The following RASEF variants were observed in gnomAD, a reference collection of about 807,000 sequenced individuals.
RASEF encodes the protein RAS and EF-hand domain containing, also known as ras and EF-hand domain-containing protein.
RASEF carries 68 observed loss-of-function variants against 90.1 expected under a neutral mutation model. The observed-to-expected ratio is 0.75, with a 90% CI of 0.62 to 0.92. The LOEUF is 0.92. Ranked by LOEUF, RASEF falls within the 40% of genes least tolerant of loss-of-function variation. The pLI, the probability that RASEF is intolerant of heterozygous loss-of-function variation, is 0.00. For synonymous variants in RASEF, 331 were observed against 345.2 expected, an observed-to-expected ratio of 0.96 and a Z score of 0.46; for missense variants, 949 against 937.2, an observed-to-expected ratio of 1.01 and a Z score of -0.16.
upstream of RASEF, among the ~76,000 whole-genome samples, chr9:83,063,367 C>T (rs890041127): frequency 4.6e-5 from 7 of 152,234 alleles, no homozygotes; most frequent in Non-Finnish European, 7.3e-5. Context: ...CGCTCCGCTT[C>T]TCCACAGAAC....
At chr9:83,158,763 TATACACACATATGAATATATATACAC>T in the RASEF span, among the ~76,000 whole-genome samples, 1 of 149,060 alleles carries the variant, frequency 6.7e-6, no homozygotes, top group Non-Finnish European at 1.5e-5. Flanking sequence ...TATATGTATA[TATACACACATATGAATATATATACAC>T]ACATATGCAT....
At chr9:83,168,821 C>T in the RASEF span, among the ~76,000 whole-genome samples, 1 of 151,806 alleles carries the variant, frequency 6.6e-6, no homozygotes, top group African/African-American at 2.4e-5. Context: ...AAACATTTGT[C>T]ATTTATTTGT....
chr9:83,202,492 T>C, the RASEF span, among the ~76,000 whole-genome samples: 1 of 152,214 alleles, frequency 6.6e-6, no homozygotes, highest in Non-Finnish European at 1.5e-5. Context: ...TATTTTTTTT[T>C]TGAGGTGGAG....
At chr9:83,151,373 G>C in the RASEF span, among the ~76,000 whole-genome samples, 1 of 152,140 alleles carries the variant, frequency 6.6e-6, no homozygotes, top group Non-Finnish European at 1.5e-5. Flanking sequence ...CTTGGTGACT[G>C]ATTGAATATG....
the RASEF span, among the ~76,000 whole-genome samples, chr9:83,212,187 G>A: frequency 6.6e-6 from 1 of 152,170 alleles, no homozygotes; most frequent in Non-Finnish European, 1.5e-5. Flanking sequence ...TTTGAAAACA[G>A]AAGACAGATA....
At chr9:83,054,747 T>TA (rs1830071629) in intron 1 of RASEF, 1 of 139,254 alleles carries the variant, frequency 7.2e-6, no homozygotes, top group African/African-American at 2.8e-5. Context: ...TTCTGGTTGT[T>TA]AGTTTTCCTT....
the RASEF span, among the ~76,000 whole-genome samples, chr9:83,216,003 G>A: frequency 6.6e-6 from 1 of 152,194 alleles, no homozygotes; most frequent in Non-Finnish European, 1.5e-5. Context: ...AAAGAGACTG[G>A]CAGCATTTTG....
At chr9:83,059,323 G>C (rs1587530193) in intron 1 of RASEF, among the ~76,000 whole-genome samples, 1 of 137,122 alleles carries the variant, frequency 7.3e-6, no homozygotes, top group Non-Finnish European at 1.5e-5. Flanking sequence ...CCTTCTCTTG[G>C]CAATCTTTGA....
chr9:83,100,930 A>G, the RASEF span, among the ~76,000 whole-genome samples: 1 of 152,222 alleles, frequency 6.6e-6, no homozygotes, highest in Non-Finnish European at 1.5e-5. Flanking sequence ...ATGGCAAAAG[A>G]TTCAGTTGAT....
chr9:83,156,177 C>T, the RASEF span, among the ~76,000 whole-genome samples: 1 of 152,150 alleles, frequency 6.6e-6, no homozygotes, highest in Non-Finnish European at 1.5e-5. Flanking sequence ...TTCCATCTGG[C>T]ACACACATAC....
intron 1 of RASEF, among the ~76,000 whole-genome samples, chr9:83,031,924 C>T (rs1829654722): frequency 6.6e-6 from 1 of 152,118 alleles, no homozygotes; most frequent in Non-Finnish European, 1.5e-5. Context: ...GATGCACCTT[C>T]TGGGGTATGC....
chr9:83,176,236 T>C, the RASEF span, among the ~76,000 whole-genome samples: 90 of 152,338 alleles, frequency 5.9e-4, no homozygotes, highest in Non-Finnish European at 1.0e-3. Context: ...TTGGCCCATT[T>C]ATCATTATGA....
At chr9:83,139,925 A>G in the RASEF span, among the ~76,000 whole-genome samples, 2 of 152,210 alleles carry the variant, frequency 1.3e-5, no homozygotes, top group African/African-American at 2.4e-5. Flanking sequence ...ACTTTAAAAT[A>G]TCAACATGGA....
chr9:83,185,420 C>G, the RASEF span, among the ~76,000 whole-genome samples: 1 of 150,722 alleles, frequency 6.6e-6, no homozygotes, highest in Non-Finnish European at 1.5e-5. Flanking sequence ...CTCCTGGGCT[C>G]AAGTGATCCT....
chr9:83,133,146 G>T, the RASEF span, among the ~76,000 whole-genome samples: 1 of 152,138 alleles, frequency 6.6e-6, no homozygotes, highest in East Asian at 1.9e-4. Context: ...GAGAGATTTT[G>T]TTCCTAACCT....
At chr9:83,034,903 T>C (rs1417447466) in intron 1 of RASEF, among the ~76,000 whole-genome samples, 2 of 152,188 alleles carry the variant, frequency 1.3e-5, no homozygotes, top group Non-Finnish European at 2.9e-5. Flanking sequence ...CATGGTACAA[T>C]GTTGGTAATC....
chr9:83,059,981 G>A (rs975968423), intron 1 of RASEF, among the ~76,000 whole-genome samples: 1 of 152,116 alleles, frequency 6.6e-6, no homozygotes, highest in African/African-American at 2.4e-5. Context: ...GATGACTGGC[G>A]AGTTTAACCC....
At chr9:83,119,191 G>A in the RASEF span, among the ~76,000 whole-genome samples, 1 of 77,658 alleles carries the variant, frequency 1.3e-5, no homozygotes, top group Non-Finnish European at 2.6e-5. Context: ...TTTTTTTTTT[G>A]TATTTTTGGT....
At chr9:83,002,718 C>T (rs535036722) in intron 9 of RASEF, among the ~76,000 whole-genome samples, 2 of 151,894 alleles carry the variant, frequency 1.3e-5, no homozygotes, top group Non-Finnish European at 2.9e-5. Flanking sequence ...TTATTTTAAG[C>T]CTACTTGTAT....
Sources: allele counts gnomAD v4.1 joint callset (sites outside exome capture counted in the v4.1 genomes callset), GRCh38; gene constraint gnomAD v4.1.1; transcripts MANE v1.5; gene names NCBI Gene and HGNC (gene_info 2026-07-23, HGNC 2026-07-21).